CCBE1: variants seen among roughly 807,000 people sequenced by gnomAD.
The protein encoded by CCBE1 is collagen and calcium binding EGF domains 1.
Under a neutral mutation model 50.0 loss-of-function variants are expected in CCBE1, and 37 were observed. The ratio of observed to expected loss-of-function variants is 0.74; its 90% CI spans 0.57 to 0.97. The LOEUF (loss-of-function observed/expected upper bound fraction) is 0.97, where lower values mean the gene tolerates loss of function less well. CCBE1 is among the 50% of genes least tolerant of loss of function. The pLI is 0.00. For missense variants in CCBE1, 538 were observed against 523.8 expected, an observed-to-expected ratio of 1.03 and a Z score of -0.26; for synonymous variants, 234 against 203.7, an observed-to-expected ratio of 1.15 and a Z score of -1.27.
chr18:59,688,838 C>T (rs985289549), intron 2 of CCBE1, among the ~76,000 whole-genome samples: 9 of 152,136 alleles, frequency 5.9e-5, no homozygotes, highest in African/African-American at 1.9e-4. Flanking sequence ...TAAGGTGATA[C>T]ACAGGTAAGT....
In CCBE1 at chr18:59,430,952, T is replaced by C. The variant is rs886054039; in HGVS notation, c.*4956A>G. On this transcript the variant is annotated 3_prime_UTR_variant, in exon 11 of 11. Transcript: ENST00000439986. ...AGTAGAGCAATGTAAGAAAAATAAC[T>C]TTGTTATTAAGCATATACAATCATA... 1.3e-5 allele frequency: 2 copies of C among 152,254 alleles called. No homozygotes were observed. The highest frequency in any genetic ancestry group is 2.9e-5 in the Non-Finnish European group (2 of 68,048). The allele number at this position is 152,254 out of a possible 1,614,324, so 9.4% of individuals were successfully genotyped here. A position where few individuals can be genotyped will look rare whatever the true frequency, so the allele number is the denominator to read the frequency against.
chr18:59,623,720 A>G (rs1029867401), intron 2 of CCBE1, among the ~76,000 whole-genome samples: 4 of 152,192 alleles, frequency 2.6e-5, no homozygotes, highest in Non-Finnish European at 5.9e-5. Flanking sequence ...CATTTTGTTT[A>G]TAAATTGTTT....
intron 5 of CCBE1, among the ~76,000 whole-genome samples, chr18:59,457,366 C>T (rs1035804747): frequency 1.3e-5 from 2 of 152,168 alleles, no homozygotes; most frequent in African/African-American, 4.8e-5. Flanking sequence ...TCCCACTGTT[C>T]TGGGTGCAGG....
chr18:59,677,218 T>G (rs962181670), intron 2 of CCBE1, among the ~76,000 whole-genome samples: 4 of 152,138 alleles, frequency 2.6e-5, no homozygotes, highest in African/African-American at 9.7e-5. Flanking sequence ...TGGAGAGAGA[T>G]AGCCCAAAAA....
chr18:59,446,564 G>A (rs1910679819), intron 7 of CCBE1, among the ~76,000 whole-genome samples: 1 of 151,862 alleles, frequency 6.6e-6, no homozygotes, highest in Non-Finnish European at 1.5e-5. Flanking sequence ...TCAGGCTTGT[G>A]TTTGAAGAGT....
intron 2 of CCBE1, among the ~76,000 whole-genome samples, chr18:59,483,703 C>T (rs1447553053): frequency 6.6e-6 from 1 of 152,186 alleles, no homozygotes; most frequent in Non-Finnish European, 1.5e-5. Flanking sequence ...CTGGGAACAG[C>T]AACTCCACTT....
chr18:59,669,295 T>A (rs183013889), intron 2 of CCBE1, among the ~76,000 whole-genome samples: 92 of 152,338 alleles, frequency 6.0e-4, no homozygotes, highest in Non-Finnish European at 9.8e-4. Context: ...TATTCCTGAA[T>A]AACAAGGCTC....
intron 2 of CCBE1, among the ~76,000 whole-genome samples, chr18:59,668,221 C>T (rs1207429187): frequency 1.3e-5 from 2 of 152,020 alleles, no homozygotes; most frequent in African/African-American, 2.4e-5. Context: ...AGTTCAAGAC[C>T]AGCCTGGCCA....
At chr18:59,683,434 G>A (rs144692870) in intron 2 of CCBE1, among the ~76,000 whole-genome samples, 4,231 of 152,272 alleles carry the variant, frequency 0.028, 170 homozygotes, top group African/African-American at 0.096. Context: ...GGTGGCTCAC[G>A]CCTGTAATCC....
chr18:59,532,639 CCA>C (rs1915096627), intron 2 of CCBE1, among the ~76,000 whole-genome samples: 1 of 152,198 alleles, frequency 6.6e-6, no homozygotes, highest in African/African-American at 2.4e-5. Flanking sequence ...GTTACCCACT[CCA>C]CAGACTGAAG....
At chr18:59,549,457 T>C (rs560901855) in intron 2 of CCBE1, among the ~76,000 whole-genome samples, 5 of 152,282 alleles carry the variant, frequency 3.3e-5, no homozygotes, top group Non-Finnish European at 5.9e-5. Flanking sequence ...ATTAAGAGCG[T>C]CTAATATTTT....
At chr18:59,497,960 C>G (rs1913433878) in intron 2 of CCBE1, among the ~76,000 whole-genome samples, 1 of 152,224 alleles carries the variant, frequency 6.6e-6, no homozygotes, top group Admixed American at 6.5e-5. Flanking sequence ...GTGGATCATG[C>G]TGGCTGACTG....
At chr18:59,503,061 T>C (rs1048290965) in intron 2 of CCBE1, among the ~76,000 whole-genome samples, 1 of 152,218 alleles carries the variant, frequency 6.6e-6, no homozygotes, top group African/African-American at 2.4e-5. Flanking sequence ...GTTTTTCTTC[T>C]TCCTGGGGGT....
intron 2 of CCBE1, among the ~76,000 whole-genome samples, chr18:59,566,293 C>T (rs544391424): frequency 6.6e-6 from 1 of 152,280 alleles, no homozygotes; most frequent in South Asian, 2.1e-4. Flanking sequence ...GTCCCTGGGT[C>T]AGTCACTTGT....
chr18:59,452,974 T>A (rs558013104), intron 6 of CCBE1, among the ~76,000 whole-genome samples: 2 of 152,208 alleles, frequency 1.3e-5, no homozygotes, highest in African/African-American at 4.8e-5. Context: ...GATTTTTATG[T>A]AGCTCTCCAG....
intron 2 of CCBE1, among the ~76,000 whole-genome samples, chr18:59,526,283 T>C (rs1177060584): frequency 6.6e-6 from 1 of 151,668 alleles, no homozygotes; most frequent in Non-Finnish European, 1.5e-5. Context: ...GTTCTTTTAG[T>C]TGTGATGTTA....
At chr18:59,546,166 T>C (rs1453266062) in intron 2 of CCBE1, among the ~76,000 whole-genome samples, 1 of 152,238 alleles carries the variant, frequency 6.6e-6, no homozygotes, top group Non-Finnish European at 1.5e-5. Context: ...TGCTGAATAT[T>C]TGTAGATTTT....
At chr18:59,622,593 G>C (rs2053727264) in intron 2 of CCBE1, among the ~76,000 whole-genome samples, 1 of 151,594 alleles carries the variant, frequency 6.6e-6, no homozygotes, top group Non-Finnish European at 1.5e-5. Flanking sequence ...ACGAGGTCAG[G>C]AATTCTAGAC....
At chr18:59,509,798 T>A (rs1914050341) in intron 2 of CCBE1, among the ~76,000 whole-genome samples, 1 of 144,880 alleles carries the variant, frequency 6.9e-6, no homozygotes, top group Admixed American at 7.1e-5. Context: ...TATTTTTAGA[T>A]CGGGCTGATT....
Sources: gnomAD v4.1 joint callset for allele counts (sites outside exome capture counted in the v4.1 genomes callset) on GRCh38, gnomAD v4.1.1 for gene constraint, MANE v1.5 for transcripts, NCBI Gene and HGNC (gene_info 2026-07-23, HGNC 2026-07-21) for gene names.